GPHN: variants seen among roughly 807,000 people sequenced by gnomAD.
The protein encoded by GPHN is gephyrin.
A neutral mutation model predicts 95.5 loss-of-function variants in GPHN; 17 were observed. That is an observed-to-expected ratio of 0.18 (90% CI 0.12 to 0.27). The LOEUF (loss-of-function observed/expected upper bound fraction) is 0.27, where lower values mean the gene tolerates loss of function less well. Among genes scored for constraint, GPHN ranks in the 10% least tolerant of loss-of-function variants. The pLI is 1.00. For synonymous variants in GPHN, 320 were observed against 322.5 expected (o/e 0.99, Z 0.08); for missense variants, 660 against 978.1 (o/e 0.67, Z 4.34).
At chr14:66,666,578 A>G (rs2065971590) in intron 1 of GPHN, among the ~76,000 whole-genome samples, 1 of 152,104 alleles carries the variant, frequency 6.6e-6, no homozygotes, top group Non-Finnish European at 1.5e-5. Flanking sequence ...ATAAAATTCA[A>G]CATCCCTTTA....
At chr14:67,347,464 C>T in the GPHN span, 27 of 1,592,490 alleles carry the variant, frequency 1.7e-5, no homozygotes, top group Non-Finnish European at 2.0e-5. Flanking sequence ...CTGTTAAACA[C>T]AGAAGCATAC....
At chr14:67,387,475 GA>G in the GPHN span, 347 of 1,591,592 alleles carry the variant, frequency 2.2e-4, no homozygotes, top group African/African-American at 3.3e-4. Context: ...AAAAAAGGGG[GA>G]AAAAAATCAG....
the GPHN span, among the ~76,000 whole-genome samples, chr14:67,608,867 CACAA>C: frequency 6.6e-6 from 1 of 152,204 alleles, no homozygotes; most frequent in Non-Finnish European, 1.5e-5. Flanking sequence ...CAAAACAAAA[CACAA>C]ACAGTTTGAT....
intron 8 of GPHN, among the ~76,000 whole-genome samples, chr14:66,952,322 TAAAC>T (rs1312650299): frequency 1.3e-5 from 2 of 152,244 alleles, no homozygotes; most frequent in African/African-American, 2.4e-5. Flanking sequence ...TATCACTAAA[TAAAC>T]AACATTTTCA....
intron 13 of GPHN, among the ~76,000 whole-genome samples, chr14:67,107,564 G>A (rs770966214): frequency 1.2e-4 from 18 of 152,156 alleles, no homozygotes; most frequent in Non-Finnish European, 1.8e-4. Context: ...GGGTATGGCC[G>A]CAGCTCAGGA....
intron 3 of GPHN, among the ~76,000 whole-genome samples, chr14:66,798,756 A>G (rs985812572): frequency 2.6e-5 from 4 of 151,694 alleles, no homozygotes; most frequent in African/African-American, 9.7e-5. Flanking sequence ...AATTTTTCAA[A>G]AAAAACTTAA....
At chr14:67,402,656 C>T in the GPHN span, among the ~76,000 whole-genome samples, 40 of 152,242 alleles carry the variant, frequency 2.6e-4, no homozygotes, top group African/African-American at 8.9e-4. Context: ...TTAGAGCTGG[C>T]GAATAAGTGA....
chr14:67,634,785 C>T, the GPHN span, among the ~76,000 whole-genome samples: 3 of 152,134 alleles, frequency 2.0e-5, no homozygotes, highest in Non-Finnish European at 4.4e-5. Flanking sequence ...GAGGCAGAAC[C>T]TAAGAGATTA....
intron 2 of GPHN, among the ~76,000 whole-genome samples, chr14:66,683,975 CAA>C (rs1253075683): frequency 2.8e-5 from 3 of 107,210 alleles, no homozygotes; most frequent in Non-Finnish European, 4.0e-5. Flanking sequence ...GACTCCGTCT[CAA>C]AAAAAAAAAA....
the GPHN span, chr14:67,733,628 T>C: frequency 5.8e-6 from 4 of 694,200 alleles, no homozygotes; most frequent in Non-Finnish European, 1.0e-5. Flanking sequence ...ATTAGTTTCT[T>C]TGAGTCTGGC....
chr14:67,416,534 A>T, the GPHN span, among the ~76,000 whole-genome samples: 1 of 152,252 alleles, frequency 6.6e-6, no homozygotes, highest in Non-Finnish European at 1.5e-5. Context: ...AGGCAGGAAA[A>T]GACTAAAGAG....
intron 1 of GPHN, among the ~76,000 whole-genome samples, chr14:66,521,767 G>A (rs542798878): frequency 6.6e-6 from 1 of 152,190 alleles, no homozygotes; most frequent in South Asian, 2.1e-4. Context: ...AGGGTGGGGT[G>A]GGATAGGGGG....
chr14:67,061,242 T>C (rs1161500979), intron 11 of GPHN, among the ~76,000 whole-genome samples: 1 of 152,112 alleles, frequency 6.6e-6, no homozygotes, highest in Non-Finnish European at 1.5e-5. Flanking sequence ...GGTTTCTCCA[T>C]GTTGGTCAGG....
At chr14:67,341,966 T>TA in the GPHN span, among the ~76,000 whole-genome samples, 1 of 151,778 alleles carries the variant, frequency 6.6e-6, no homozygotes, top group Non-Finnish European at 1.5e-5. Context: ...TGTGCTTTGT[T>TA]AAACAGATGC....
chr14:67,624,281 T>C, the GPHN span, among the ~76,000 whole-genome samples: 2 of 97,778 alleles, frequency 2.0e-5, no homozygotes, highest in African/African-American at 1.2e-4. Context: ...AAATCTGTGT[T>C]GTTTTAAAAT....
chr14:66,714,338 A>G (rs945501941), intron 2 of GPHN, among the ~76,000 whole-genome samples: 1 of 152,130 alleles, frequency 6.6e-6, no homozygotes, highest in African/African-American at 2.4e-5. Context: ...ATTTGTGTAC[A>G]TTAATTTTGT....
At chr14:67,130,305 T>C (rs933748853) in intron 17 of GPHN, among the ~76,000 whole-genome samples, 2 of 152,140 alleles carry the variant, frequency 1.3e-5, no homozygotes, top group African/African-American at 4.8e-5. Context: ...GTGTCTATTG[T>C]TGCCATCATT....
the GPHN span, chr14:67,674,311 G>A: frequency 9.2e-6 from 13 of 1,409,090 alleles, no homozygotes; most frequent in South Asian, 2.6e-5. Context: ...AGGAAGGTGG[G>A]AGAATCTTCC....
chr14:66,831,352 T>C (rs900100214), intron 4 of GPHN, among the ~76,000 whole-genome samples: 2 of 152,148 alleles, frequency 1.3e-5, no homozygotes, highest in Non-Finnish European at 2.9e-5. Flanking sequence ...TCTATGCAAA[T>C]AGGATAATTT....
Sources: allele counts gnomAD v4.1 joint callset (sites outside exome capture counted in the v4.1 genomes callset), GRCh38; gene constraint gnomAD v4.1.1; transcripts MANE v1.5; gene names NCBI Gene and HGNC (gene_info 2026-07-23, HGNC 2026-07-21).